The following CNTNAP4 variants were observed in gnomAD, a reference collection of about 807,000 sequenced individuals.
The protein encoded by CNTNAP4 is contactin associated protein family member 4.
Under a neutral mutation model 148.4 loss-of-function variants are expected in CNTNAP4, and 98 were observed. That is an observed-to-expected ratio of 0.66 (90% CI 0.56 to 0.78). The LOEUF (loss-of-function observed/expected upper bound fraction) is 0.78, where lower values mean the gene tolerates loss of function less well. Ranked by LOEUF, CNTNAP4 falls within the 30% of genes least tolerant of loss-of-function variation. The pLI, the probability that CNTNAP4 is intolerant of heterozygous loss-of-function variation, is 0.00. For missense variants in CNTNAP4, 1,935 were observed against 1,565.6 expected, an observed-to-expected ratio of 1.24 and a Z score of -3.98; for synonymous variants, 730 against 565.1, an observed-to-expected ratio of 1.29 and a Z score of -4.14.
chr16:76,317,633 T>C (rs1961937724), intron 2 of CNTNAP4, among the ~76,000 whole-genome samples: 1 of 152,204 alleles, frequency 6.6e-6, no homozygotes, highest in Non-Finnish European at 1.5e-5. Flanking sequence ...ACTTCTAATT[T>C]TACTCTTTGA....
intron 17 of CNTNAP4, among the ~76,000 whole-genome samples, chr16:76,528,619 G>C (rs1433059984): frequency 6.6e-6 from 1 of 152,096 alleles, no homozygotes; most frequent in African/African-American, 2.4e-5. Context: ...ATGAGACCAC[G>C]TGAAAGAATC....
At chr16:76,291,858 C>A (rs1303948040) in intron 1 of CNTNAP4, among the ~76,000 whole-genome samples, 1 of 152,206 alleles carries the variant, frequency 6.6e-6, no homozygotes, top group Non-Finnish European at 1.5e-5. Flanking sequence ...TACATTATTT[C>A]AGTCAATCTT....
chr16:76,544,950 C>T (rs1448212394), intron 21 of CNTNAP4, among the ~76,000 whole-genome samples: 1 of 152,108 alleles, frequency 6.6e-6, no homozygotes, highest in Non-Finnish European at 1.5e-5. Flanking sequence ...GAGAAATCTC[C>T]AATGTATCAG....
chr16:76,290,100 G>A (rs1959053930), intron 1 of CNTNAP4, among the ~76,000 whole-genome samples: 1 of 152,116 alleles, frequency 6.6e-6, no homozygotes, highest in Admixed American at 6.5e-5. Context: ...GTGGTGAAGT[G>A]TGCCCTGTGT....
chr16:76,456,072 C>T (rs1310752308), intron 8 of CNTNAP4, among the ~76,000 whole-genome samples: 1 of 151,614 alleles, frequency 6.6e-6, no homozygotes, highest in Non-Finnish European at 1.5e-5. Flanking sequence ...CGTGTAATTG[C>T]AAACACTTCC....
chr16:76,423,910 A>G (rs1396323799), intron 3 of CNTNAP4, among the ~76,000 whole-genome samples: 1 of 152,080 alleles, frequency 6.6e-6, no homozygotes, highest in Non-Finnish European at 1.5e-5. Context: ...CACTCTTCCT[A>G]TGTGTGTCTC....
At chr16:76,280,850 G>T (rs965193474) in intron 1 of CNTNAP4, among the ~76,000 whole-genome samples, 2 of 152,038 alleles carry the variant, frequency 1.3e-5, no homozygotes, top group African/African-American at 4.8e-5. Flanking sequence ...ATTAAGACAT[G>T]GTTGAAGATG....
chr16:76,289,733 G>C (rs1157080404), intron 1 of CNTNAP4, among the ~76,000 whole-genome samples: 2 of 151,932 alleles, frequency 1.3e-5, no homozygotes, highest in African/African-American at 4.8e-5. Flanking sequence ...ACCATGCCTG[G>C]CTAATTTTTG....
chr16:76,461,816 C>A (rs1191629506), intron 8 of CNTNAP4, 140 bp from the exon 9 acceptor site: 8 of 640,852 alleles, frequency 1.2e-5, no homozygotes, highest in Non-Finnish European at 2.0e-5. Context: ...GTCTCCCTTT[C>A]CTTGTTGATG....
intron 21 of CNTNAP4, among the ~76,000 whole-genome samples, chr16:76,543,381 A>C (rs2084546278): frequency 6.6e-6 from 1 of 152,240 alleles, no homozygotes; most frequent in Non-Finnish European, 1.5e-5. Context: ...AGAGTTATTA[A>C]TATTTCAAAG....
At chr16:76,496,800 A>G (rs990816155) in intron 14 of CNTNAP4, among the ~76,000 whole-genome samples, 2 of 152,232 alleles carry the variant, frequency 1.3e-5, no homozygotes, top group Admixed American at 6.5e-5. Flanking sequence ...AAAAAAGAGT[A>G]CATTTTCATC....
At position 76,364,233 on chromosome 16, in the gene CNTNAP4, C is replaced by CAAAAAAAAAA. The variant is rs58589609; in HGVS notation, c.390+8739_390+8748dup. Among the ~76,000 whole-genome samples, 36 of 48,182 alleles carry CAAAAAAAAAA rather than the reference C, an allele frequency of 7.5e-4. 1 individual carries two copies. Among genetic ancestry groups the CAAAAAAAAAA allele is most frequent in the Middle Eastern group, 0.023 (1 of 44 alleles). 31.6% of individuals were successfully genotyped at this position (48,182 alleles called of 152,430 possible). On this transcript the variant is annotated intron_variant, in intron 3 of 23. Transcript: ENST00000611870. ...TGGGCAACAGAGCGAGATTCCATCT[C>CAAAAAAAAAA]AAAAAAAAAAAAAAAAAAAAAAAAA...
At chr16:76,469,834 C>A (rs549060455) in intron 10 of CNTNAP4, among the ~76,000 whole-genome samples, 189 of 152,184 alleles carry the variant, frequency 1.2e-3, no homozygotes, top group African/African-American at 4.4e-3. Context: ...AAAAATATAG[C>A]AAAAATCAAA....
intron 4 of CNTNAP4, among the ~76,000 whole-genome samples, chr16:76,443,320 G>C (rs1383446716): frequency 6.6e-6 from 1 of 151,908 alleles, no homozygotes; most frequent in African/African-American, 2.4e-5. Context: ...TTTTCCTATG[G>C]TCAATTTTAT....
chr16:76,446,601 C>G (rs1165213751), intron 4 of CNTNAP4, among the ~76,000 whole-genome samples: 2 of 152,050 alleles, frequency 1.3e-5, no homozygotes, highest in East Asian at 3.9e-4. Flanking sequence ...AAAAACATGT[C>G]AATGTCACAG....
At position 76,538,131 on chromosome 16, in the gene CNTNAP4, T is replaced by C; in HGVS notation, c.3011T>C (p.Phe1004Ser). The change falls in exon 19 of 24, where the codon TTT (phenylalanine) becomes TCT (serine). Residue 1004 changes from phenylalanine (F) to serine (S), a missense_variant. Physicochemically the swap from Phe to Ser is radical, Grantham distance 155 (BLOSUM62 -2). Transcript: ENST00000611870. ...PFCSNEISAY[F>S]GSGSSVIYNF... ...ATTATTTCAGAGATTTCTGCATATT[T>C]TGGATCTGGCTCATCCGTGATATAC... 1.4e-6 allele frequency: 2 copies of C among 1,472,964 alleles called. No individual in the cohort carries two copies. Among genetic ancestry groups the C allele is most frequent in the Non-Finnish European group, 1.8e-6 (2 of 1,107,358 alleles). 91.2% of individuals were successfully genotyped at this position (1,472,964 alleles called of 1,614,324 possible). A position where few individuals can be genotyped will look rare whatever the true frequency, so the allele number is the denominator to read the frequency against.
intron 4 of CNTNAP4, among the ~76,000 whole-genome samples, chr16:76,446,099 A>T (rs1040268924): frequency 2.6e-5 from 4 of 151,884 alleles, no homozygotes; most frequent in African/African-American, 9.7e-5. Flanking sequence ...AAAAAATAAA[A>T]CCTCTGAGTC....
At chr16:76,535,143 T>C (rs2084161324) in intron 17 of CNTNAP4, among the ~76,000 whole-genome samples, 1 of 152,164 alleles carries the variant, frequency 6.6e-6, no homozygotes, top group South Asian at 2.1e-4. Context: ...AAGTTAAAAC[T>C]GTACCAGAAT....
chr16:76,466,661 AT>A (rs1225045576), intron 9 of CNTNAP4, among the ~76,000 whole-genome samples: 7 of 152,026 alleles, frequency 4.6e-5, no homozygotes, highest in Admixed American at 4.6e-4. Context: ...TTAATATTAT[AT>A]TTATTATTTA....
Sources: allele counts gnomAD v4.1 joint callset (sites outside exome capture counted in the v4.1 genomes callset), GRCh38; gene constraint gnomAD v4.1.1; transcripts MANE v1.5; gene names NCBI Gene and HGNC (gene_info 2026-07-23, HGNC 2026-07-21).